The following GAB4 variants were observed in gnomAD, a reference collection of about 807,000 sequenced individuals.
The protein encoded by GAB4 is GRB2-associated-binding protein 4.
Under a neutral mutation model 51.3 loss-of-function variants are expected in GAB4, and 26 were observed. That is an observed-to-expected ratio of 0.51 (90% CI 0.37 to 0.70). The LOEUF (loss-of-function observed/expected upper bound fraction) is 0.70. GAB4 is among the 30% of genes least tolerant of loss of function. GAB4 has a pLI of 0.00. For synonymous variants in GAB4, 329 were observed against 291.2 expected (o/e 1.13, Z -1.32); for missense variants, 759 against 734.6 (o/e 1.03, Z -0.38).
chr22:16,992,307 C>G (rs1361314037), intron 1 of GAB4, 131 bp from the exon 2 acceptor site: 4 of 730,858 alleles, frequency 5.5e-6, no homozygotes, highest in African/African-American at 5.3e-5. Context: ...CGGATTTCCC[C>G]AGTTTCAAAG....
At position 16,991,808 on chromosome 22, in the gene GAB4, C is replaced by A. The variant is rs571320828; in HGVS notation, c.478+65G>T. 1.8e-5 allele frequency: 25 copies of A among 1,370,360 alleles called. No individual in the cohort carries two copies. The South Asian group carries it at 3.2e-4, about 18-fold the overall frequency. 84.9% of individuals were successfully genotyped at this position (1,370,360 alleles called of 1,614,324 possible). On this transcript the variant is annotated intron_variant, in intron 2 of 9. Coordinates refer to ENST00000400588, the MANE Select transcript of GAB4 (RefSeq NM_001037814.1). ...AGTGTTGGCAGCTAGAGCTGCCCTC[C>A]TTGCTGGAGATTGGAGGGCCTCATC...
intron 3 of GAB4, among the ~76,000 whole-genome samples, chr22:16,972,002 G>C (rs2060736022): frequency 6.6e-6 from 1 of 152,266 alleles, no homozygotes; most frequent in Non-Finnish European, 1.5e-5. Context: ...CAGCAGACAG[G>C]AGAGCAGGGG....
At chr22:16,968,984 A>T (rs932846234) in intron 4 of GAB4, among the ~76,000 whole-genome samples, 1 of 152,122 alleles carries the variant, frequency 6.6e-6, no homozygotes, top group African/African-American at 2.4e-5. Context: ...GCCCCACCAG[A>T]CTCTCTCATA....
intron 3 of GAB4, among the ~76,000 whole-genome samples, chr22:16,973,470 C>T (rs1380656397): frequency 1.3e-5 from 2 of 152,086 alleles, no homozygotes; most frequent in Non-Finnish European, 2.9e-5. Context: ...TTCTTATGTC[C>T]CAACATCTGC....
chr22:16,968,828 T>C (rs1397796536), intron 4 of GAB4, among the ~76,000 whole-genome samples: 1 of 152,172 alleles, frequency 6.6e-6, no homozygotes, highest in Non-Finnish European at 1.5e-5. Context: ...CTTGCTCAAA[T>C]TGCTGAAACA....
chr22:16,990,182 A>G (rs1210260109), intron 2 of GAB4, among the ~76,000 whole-genome samples: 1 of 152,102 alleles, frequency 6.6e-6, no homozygotes, highest in Non-Finnish European at 1.5e-5. Flanking sequence ...ATGACTCACA[A>G]AGCACTCTCT....
chr22:16,988,180 C>A lies in GAB4; in HGVS notation c.479-13G>T, dbSNP rs371868658. The A allele has an allele frequency of 8.8e-6, 14 of 1,593,618 alleles. No individual in the cohort carries two copies. The highest frequency in any genetic ancestry group is 1.0e-5 in the Non-Finnish European group (12 of 1,162,678). On this transcript the variant is annotated splice_polypyrimidine_tract_variant and intron_variant, in intron 2 of 9. Transcript: ENST00000400588. Reference sequence around the variant, plus strand: ...TTTCCCAGGAAGCCTGTGAATGAAACAGGAAGGAAGGGCATCCTTGTCCTA... The same window carrying A: ...TTTCCCAGGAAGCCTGTGAATGAAAAAGGAAGGAAGGGCATCCTTGTCCTA...
chr22:16,989,470 T>G (rs1242423529), intron 2 of GAB4, among the ~76,000 whole-genome samples: 2 of 152,238 alleles, frequency 1.3e-5, no homozygotes, highest in South Asian at 2.1e-4. Context: ...CAAGACACGT[T>G]CTGCCAGTGA....
At chr22:17,003,118 CAAG>C (rs2061011078) in intron 1 of GAB4, among the ~76,000 whole-genome samples, 1 of 152,328 alleles carries the variant, frequency 6.6e-6, no homozygotes, top group African/African-American at 2.4e-5. Flanking sequence ...ATCAATGCAA[CAAG>C]AAGAGCTAAC....
chr22:17,003,843 T>C (rs149479796), intron 1 of GAB4, among the ~76,000 whole-genome samples: 3,613 of 152,016 alleles, frequency 0.024, 62 homozygotes, highest in Middle Eastern at 0.061. Context: ...CTAAAGGAGA[T>C]AGAGACACAA....
chr22:16,964,932 C>G, intron 7 of GAB4, 70 bp from the exon 8 acceptor site: 1 of 1,182,224 alleles, frequency 8.5e-7, no homozygotes, highest in Non-Finnish European at 1.2e-6. Context: ...CTCCAGCCTC[C>G]AGCTGGGCCC....
At chr22:17,003,153 C>T (rs11704934) in intron 1 of GAB4, among the ~76,000 whole-genome samples, 3,367 of 152,242 alleles carry the variant, frequency 0.022, 58 homozygotes, top group Middle Eastern at 0.068. Flanking sequence ...TATATGCACC[C>T]AAGACAGGGG....
intron 3 of GAB4, among the ~76,000 whole-genome samples, chr22:16,982,945 G>C (rs1249022764): frequency 2.0e-5 from 3 of 152,158 alleles, no homozygotes; most frequent in East Asian, 1.9e-4. Flanking sequence ...AAAACCCCTC[G>C]TGGCGTGGAT....
rs187044781 is a variant in GAB4 at position 16,974,410 on chromosome 22, C to A, written c.687-4217G>T. ...GAAGGCAGAAATGGCCAAGTTGGTACAGGGAGACACTAAAGCACTAGTGTG... is the reference window on the plus strand; with the variant it reads ...GAAGGCAGAAATGGCCAAGTTGGTAAAGGGAGACACTAAAGCACTAGTGTG... On this transcript the variant is annotated intron_variant, in intron 3 of 9. Coordinates refer to ENST00000400588, the MANE Select transcript of GAB4 (RefSeq NM_001037814.1). Among the ~76,000 whole-genome samples the A allele has an allele frequency of 3.3e-3, 505 of 152,314 alleles. 2 individuals carry two copies. The highest frequency in any genetic ancestry group is 0.012 in the African/African-American group (491 of 41,566).
In GAB4 at chr22:16,962,241, T is replaced by C. The variant is rs7287116; in HGVS notation, c.*492A>G. 25,108 of 152,582 alleles carry C rather than the reference T, an allele frequency of 0.16. 2,354 individuals carry two copies. Among genetic ancestry groups the C allele is most frequent in the East Asian group, 0.38 (1,988 of 5,174 alleles). 9.5% of individuals were successfully genotyped at this position (152,582 alleles called of 1,614,324 possible). On this transcript the variant is annotated 3_prime_UTR_variant, in exon 10 of 10. Coordinates refer to ENST00000400588, the MANE Select transcript of GAB4 (RefSeq NM_001037814.1). The stretch of plus-strand genomic sequence containing the variant: ...TGCCCTGCTGGTCTAAGGATCTAAT[T>C]CCTTTGCTTCTCAAGACCACCTTTA...
At chr22:16,981,583 T>C (rs1239456382) in intron 3 of GAB4, among the ~76,000 whole-genome samples, 1 of 151,952 alleles carries the variant, frequency 6.6e-6, no homozygotes, top group East Asian at 1.9e-4. Context: ...CATGAAGAAA[T>C]AGAAAACCTG....
At chr22:16,989,381 C>T (rs1297773662) in intron 2 of GAB4, among the ~76,000 whole-genome samples, 1 of 152,250 alleles carries the variant, frequency 6.6e-6, no homozygotes, top group Non-Finnish European at 1.5e-5. Context: ...GGCTGTGCCA[C>T]CTCATGGCCT....
At chr22:16,981,466 A>C (rs1489080680) in intron 3 of GAB4, among the ~76,000 whole-genome samples, 1 of 152,178 alleles carries the variant, frequency 6.6e-6, no homozygotes, top group East Asian at 1.9e-4. Flanking sequence ...TAAGACAAAA[A>C]TTCAAAGGAC....
At position 16,962,890 on chromosome 22, in the gene GAB4, G is replaced by T. The variant is rs1408098384; in HGVS notation, c.1582-14C>A. On this transcript the variant is annotated splice_polypyrimidine_tract_variant and intron_variant, in intron 9 of 9. Transcript: ENST00000400588. ...GCCTATGGATGGCTGAGGGACAGAG[G>T]GTGGAAGTGGGAGTGGCAGTGTCTG... 1 of 1,606,574 alleles carries T rather than the reference G, an allele frequency of 6.2e-7. No homozygotes were observed. The highest frequency in any genetic ancestry group is 8.5e-7 in the Non-Finnish European group (1 of 1,174,954).
Sources: gnomAD v4.1 joint callset for allele counts (sites outside exome capture counted in the v4.1 genomes callset) on GRCh38, gnomAD v4.1.1 for gene constraint, MANE v1.5 for transcripts, NCBI Gene and HGNC (gene_info 2026-07-23, HGNC 2026-07-21) for gene names.